Variants in TMTC1 observed in about 807,000 individuals in gnomAD.
TMTC1 encodes the protein protein O-mannosyl-transferase TMTC1.
A neutral mutation model predicts 104.8 loss-of-function variants in TMTC1; 73 were observed. The ratio of observed to expected loss-of-function variants is 0.70; its 90% CI spans 0.58 to 0.85. The LOEUF (loss-of-function observed/expected upper bound fraction) is 0.85, where lower values mean the gene tolerates loss of function less well. Ranked by LOEUF, TMTC1 falls within the 40% of genes least tolerant of loss-of-function variation. The pLI is 0.00. For synonymous variants in TMTC1, 434 were observed against 428.7 expected (o/e 1.01, Z -0.15); for missense variants, 1,035 against 1,096.1 (o/e 0.94, Z 0.79).
chr12:29,548,438 C>G (rs1400909826), intron 10 of TMTC1, among the ~76,000 whole-genome samples: 2 of 152,218 alleles, frequency 1.3e-5, no homozygotes, highest in East Asian at 1.9e-4. Flanking sequence ...GTGAGAGGGA[C>G]CCGGTGGGAA....
At chr12:29,687,371 C>A (rs1234992826) in intron 5 of TMTC1, among the ~76,000 whole-genome samples, 3 of 152,108 alleles carry the variant, frequency 2.0e-5, no homozygotes, top group Non-Finnish European at 4.4e-5. Context: ...CAGACAGCCA[C>A]AAACTAAGCA....
At chr12:29,736,648 G>A (rs1202098363) in intron 5 of TMTC1, among the ~76,000 whole-genome samples, 2 of 152,136 alleles carry the variant, frequency 1.3e-5, no homozygotes, top group African/African-American at 4.8e-5. Flanking sequence ...TTAAACTCCT[G>A]ACCTTGTGAT....
At chr12:29,727,655 C>T (rs577341246) in intron 5 of TMTC1, among the ~76,000 whole-genome samples, 166 of 152,246 alleles carry the variant, frequency 1.1e-3, no homozygotes, top group African/African-American at 3.8e-3. Flanking sequence ...GAATTACAGG[C>T]GTGAGCCACC....
At chr12:29,557,563 G>A (rs1302643402) in intron 9 of TMTC1, among the ~76,000 whole-genome samples, 3 of 152,200 alleles carry the variant, frequency 2.0e-5, no homozygotes, top group Non-Finnish European at 4.4e-5. Context: ...CGATTTTCCT[G>A]CTCAGCCTCC....
At chr12:29,765,886 C>T (rs1943452343) in intron 2 of TMTC1, among the ~76,000 whole-genome samples, 1 of 152,140 alleles carries the variant, frequency 6.6e-6, no homozygotes, top group Admixed American at 6.6e-5. Flanking sequence ...AAGTTATTGG[C>T]AAATATCACA....
At chr12:29,626,799 C>G (rs1488907195) in intron 6 of TMTC1, among the ~76,000 whole-genome samples, 1 of 152,116 alleles carries the variant, frequency 6.6e-6, no homozygotes, top group Non-Finnish European at 1.5e-5. Flanking sequence ...AATTGGACTT[C>G]ACAAAAATTA....
rs561026592 is a variant in TMTC1 at position 29,754,967 on chromosome 12, T to C, written c.731+742A>G. On this transcript the variant is annotated intron_variant, in intron 4 of 17. Transcript: ENST00000539277. ...ACGGCAGGGGAATAAATTAGCCACATCTTTTAAAAGTTTAAAAGTAAGGAC... is the reference window on the plus strand; with the variant it reads ...ACGGCAGGGGAATAAATTAGCCACACCTTTTAAAAGTTTAAAAGTAAGGAC... Among the ~76,000 whole-genome samples, 57 of 152,312 alleles carry C rather than the reference T, an allele frequency of 3.7e-4. No homozygotes were observed. The South Asian group carries it at 0.011, about 29-fold the overall frequency.
chr12:29,762,300 G>T (rs903149887), intron 2 of TMTC1, among the ~76,000 whole-genome samples: 6 of 152,270 alleles, frequency 3.9e-5, no homozygotes, highest in African/African-American at 1.4e-4. Flanking sequence ...ACTCCCTCAG[G>T]GTGGTTGTAA....
chr12:29,772,454 G>A (rs1943616125), intron 1 of TMTC1, among the ~76,000 whole-genome samples: 1 of 152,094 alleles, frequency 6.6e-6, no homozygotes, highest in Non-Finnish European at 1.5e-5. Context: ...ATGACTGCTT[G>A]AAGAAAAATG....
At position 29,773,772 on chromosome 12, in the gene TMTC1, C is replaced by G. The variant is rs146127682; in HGVS notation, c.303-5697G>C. ...TTATCACTGTGTCCCAGAGGCCCAT[C>G]ATGATCAAGGCATTCACCTTGTCTT... On this transcript the variant is annotated intron_variant, in intron 1 of 17. Coordinates refer to ENST00000539277, the MANE Select transcript of TMTC1 (RefSeq NM_001193451.2). 1.7e-4 allele frequency among the ~76,000 whole-genome samples: 26 copies of G among 152,288 alleles called. No homozygotes were observed. In the East Asian group the frequency reaches 3.1e-3, roughly 18 times the overall value.
At chr12:29,538,418 A>C (rs1944704113) in intron 10 of TMTC1, among the ~76,000 whole-genome samples, 1 of 152,222 alleles carries the variant, frequency 6.6e-6, no homozygotes, top group African/African-American at 2.4e-5. Flanking sequence ...ATCTTTAATA[A>C]CATTAATTTG....
intron 11 of TMTC1, among the ~76,000 whole-genome samples, chr12:29,530,177 C>CT (rs1234201420): frequency 6.6e-6 from 1 of 151,946 alleles, no homozygotes; most frequent in African/African-American, 2.4e-5. Context: ...AACACACCCC[C>CT]TCCTGGCCAA....
intron 5 of TMTC1, among the ~76,000 whole-genome samples, chr12:29,689,910 C>A (rs2219764): frequency 0.14 from 20,995 of 152,104 alleles, 1,717 homozygotes; most frequent in East Asian, 0.34. Context: ...ATTATAACAA[C>A]TGTGTGTTCC....
chr12:29,725,104 T>C (rs1942350525), intron 5 of TMTC1, among the ~76,000 whole-genome samples: 1 of 131,856 alleles, frequency 7.6e-6, no homozygotes, highest in Non-Finnish European at 1.6e-5. Flanking sequence ...CACTGTAACC[T>C]CCTCATGGGT....
chr12:29,703,183 T>C (rs958382767), intron 5 of TMTC1, among the ~76,000 whole-genome samples: 20 of 150,664 alleles, frequency 1.3e-4, no homozygotes, highest in African/African-American at 4.9e-4. Flanking sequence ...GACTTGTGCT[T>C]GGGGATACAC....
chr12:29,564,540 G>C (rs573246779), intron 9 of TMTC1, among the ~76,000 whole-genome samples: 2 of 152,300 alleles, frequency 1.3e-5, no homozygotes, highest in South Asian at 4.1e-4. Context: ...ATGCTGCTGA[G>C]AGTTAGGTAA....
intron 11 of TMTC1, chr12:29,535,861 G>C: frequency 4.5e-6 from 1 of 221,246 alleles, no homozygotes; most frequent in South Asian, 7.0e-5. Context: ...GCTCCATGTT[G>C]AGTTCAGCGA....
intron 5 of TMTC1, among the ~76,000 whole-genome samples, chr12:29,664,646 T>C (rs1426978200): frequency 6.6e-6 from 1 of 152,226 alleles, no homozygotes; most frequent in African/African-American, 2.4e-5. Flanking sequence ...TGTAGTAACT[T>C]ATTCACCACT....
intron 5 of TMTC1, among the ~76,000 whole-genome samples, chr12:29,682,423 T>C (rs1940949947): frequency 6.6e-6 from 1 of 152,064 alleles, no homozygotes; most frequent in Non-Finnish European, 1.5e-5. Context: ...CACAAAAACC[T>C]GTACATGAAT....
Sources: gnomAD v4.1 joint callset for allele counts (sites outside exome capture counted in the v4.1 genomes callset) on GRCh38, gnomAD v4.1.1 for gene constraint, MANE v1.5 for transcripts, NCBI Gene and HGNC (gene_info 2026-07-23, HGNC 2026-07-21) for gene names.